Variants in ABCD2 observed in about 807,000 individuals in gnomAD.
The protein encoded by ABCD2 is ATP binding cassette subfamily D member 2, also known as ATP-binding cassette sub-family D member 2.
ABCD2 carries 36 observed loss-of-function variants against 70.9 expected under a neutral mutation model. That is an observed-to-expected ratio of 0.51 (90% CI 0.39 to 0.67). The LOEUF (loss-of-function observed/expected upper bound fraction) is 0.67. Ranked by LOEUF, ABCD2 falls within the 30% of genes least tolerant of loss-of-function variation. ABCD2 has a pLI of 0.00. For synonymous variants in ABCD2, 304 were observed against 306.9 expected (o/e 0.99, Z 0.10); for missense variants, 729 against 890.2 (o/e 0.82, Z 2.30).
In ABCD2 at chr12:39,564,012, T is replaced by C. The variant is rs905662463; in HGVS notation, c.2003+9704A>G. Reference sequence around the variant, plus strand: ...ATGGTGTATATGTGCCACATTTTCTTAATTCAGTCTATCATTGTTGGACAT... The same window carrying C: ...ATGGTGTATATGTGCCACATTTTCTCAATTCAGTCTATCATTGTTGGACAT... On this transcript the variant is annotated intron_variant, in intron 9 of 9. Transcript: ENST00000308666. 1.3e-4 allele frequency among the ~76,000 whole-genome samples: 20 copies of C among 152,362 alleles called. No individual in the cohort carries two copies. The East Asian group carries it at 2.3e-3, about 18-fold the overall frequency.
chr12:39,543,249 A>G, the ABCD2 span, among the ~76,000 whole-genome samples: 1 of 152,194 alleles, frequency 6.6e-6, no homozygotes, highest in Non-Finnish European at 1.5e-5. Context: ...GAACATGGAA[A>G]TTCATCTGAG....
At chr12:39,534,729 A>AGGAG in the ABCD2 span, among the ~76,000 whole-genome samples, 1 of 122,448 alleles carries the variant, frequency 8.2e-6, no homozygotes, top group Non-Finnish European at 1.7e-5. Context: ...GAAGGAAGGA[A>AGGAG]AAGAAGGAAG....
At chr12:39,534,825 A>C in the ABCD2 span, among the ~76,000 whole-genome samples, 10 of 151,174 alleles carry the variant, frequency 6.6e-5, no homozygotes, top group African/African-American at 1.7e-4. Flanking sequence ...GGAAGGAAGG[A>C]AAGCAGGAAA....
intron 6 of ABCD2, 82 bp downstream of exon 6, chr12:39,600,489 T>C (rs747940354): frequency 2.3e-6 from 3 of 1,293,644 alleles, no homozygotes; most frequent in Admixed American, 4.8e-5. Context: ...CTTAAAGATA[T>C]ATAAACTGAG....
chr12:39,591,469 T>C (rs1275795607), intron 6 of ABCD2, among the ~76,000 whole-genome samples: 3 of 152,138 alleles, frequency 2.0e-5, no homozygotes, highest in African/African-American at 7.2e-5. Context: ...CCCCGTAATT[T>C]GGGAGGCCAA....
At chr12:39,573,948 A>C in intron 8 of ABCD2, 107 bp from the exon 9 acceptor site, 1 of 1,112,524 alleles carries the variant, frequency 9.0e-7, no homozygotes, top group Non-Finnish European at 1.3e-6. Flanking sequence ...AGCAAAAAAG[A>C]CTATGGCATT....
intron 8 of ABCD2, among the ~76,000 whole-genome samples, chr12:39,579,313 G>A (rs777628433): frequency 1.3e-5 from 2 of 152,228 alleles, no homozygotes; most frequent in Non-Finnish European, 2.9e-5. Flanking sequence ...AGTGAGCCAA[G>A]ATCGTGCCAC....
chr12:39,597,031 A>AT (rs1941825549), intron 6 of ABCD2, among the ~76,000 whole-genome samples: 1 of 152,076 alleles, frequency 6.6e-6, no homozygotes, highest in African/African-American at 2.4e-5. Flanking sequence ...TTTTAAAAAT[A>AT]TTTTTTATTC....
intron 9 of ABCD2, among the ~76,000 whole-genome samples, chr12:39,566,886 G>A (rs1941358204): frequency 6.6e-6 from 1 of 152,078 alleles, no homozygotes; most frequent in Admixed American, 6.6e-5. Flanking sequence ...ATTTTGTTAT[G>A]TACCCAGTAG....
intron 6 of ABCD2, 130 bp downstream of exon 6, chr12:39,600,440 AT>A: frequency 5.3e-6 from 5 of 951,954 alleles, no homozygotes; most frequent in Non-Finnish European, 7.6e-6. Flanking sequence ...GGCTAAGTGA[AT>A]TTTTATTTCC....
intron 9 of ABCD2, among the ~76,000 whole-genome samples, chr12:39,567,579 T>C (rs1417255722): frequency 6.6e-6 from 1 of 152,218 alleles, no homozygotes; most frequent in Non-Finnish European, 1.5e-5. Context: ...CTTGACTCTT[T>C]ATCCAATTTG....
At chr12:39,600,497 G>A in intron 6 of ABCD2, 74 bp downstream of exon 6, 1 of 1,313,680 alleles carries the variant, frequency 7.6e-7, no homozygotes, top group Middle Eastern at 2.3e-4. Context: ...TATATAAACT[G>A]AGGAACTTGA....
chr12:39,557,676 C>T (rs1941189678), intron 9 of ABCD2, among the ~76,000 whole-genome samples: 1 of 152,120 alleles, frequency 6.6e-6, no homozygotes, highest in African/African-American at 2.4e-5. Flanking sequence ...TGTGCAGTCT[C>T]AGGACTTGGT....
At chr12:39,613,340 C>G (rs1428057676) in intron 2 of ABCD2, among the ~76,000 whole-genome samples, 3 of 122,756 alleles carry the variant, frequency 2.4e-5, no homozygotes, top group Admixed American at 1.7e-4. Context: ...GAGCCGAGAT[C>G]CCGCCACTGC....
chr12:39,557,890 T>G (rs1941193510), intron 9 of ABCD2, among the ~76,000 whole-genome samples: 2 of 152,202 alleles, frequency 1.3e-5, no homozygotes, highest in South Asian at 4.1e-4. Context: ...GTCAGAGCCC[T>G]TATGGAGAAC....
At chr12:39,610,609 G>T (rs1942032200) in intron 2 of ABCD2, among the ~76,000 whole-genome samples, 1 of 152,134 alleles carries the variant, frequency 6.6e-6, no homozygotes, top group Admixed American at 6.5e-5. Flanking sequence ...TGGGTTAAAA[G>T]GGATTCAAAT....
At chr12:39,549,000 T>C (rs1941053504), downstream of ABCD2, among the ~76,000 whole-genome samples, 2 of 152,028 alleles carry the variant, frequency 1.3e-5, no homozygotes, top group African/African-American at 4.8e-5. Context: ...TTTAGAACTT[T>C]CCTGCTATGT....
chr12:39,582,825 A>G (rs1164850093), intron 7 of ABCD2, among the ~76,000 whole-genome samples: 3 of 152,160 alleles, frequency 2.0e-5, no homozygotes, highest in African/African-American at 7.2e-5. Flanking sequence ...GTACAGTATC[A>G]ATATTACAAC....
intron 9 of ABCD2, 87 bp from the exon 10 acceptor site, chr12:39,554,218 A>G: frequency 1.5e-6 from 2 of 1,308,196 alleles, no homozygotes; most frequent in Non-Finnish European, 2.1e-6. Flanking sequence ...TTGATACCCA[A>G]AGGCAAATTT....
Sources: allele counts gnomAD v4.1 joint callset (sites outside exome capture counted in the v4.1 genomes callset), GRCh38; gene constraint gnomAD v4.1.1; transcripts MANE v1.5; gene names NCBI Gene and HGNC (gene_info 2026-07-23, HGNC 2026-07-21).